CD226: variants seen among roughly 807,000 people sequenced by gnomAD.
CD226 encodes the protein CD226 molecule.
A neutral mutation model predicts 34.9 loss-of-function variants in CD226; 24 were observed. The ratio of observed to expected loss-of-function variants is 0.69; its 90% CI spans 0.50 to 0.97. The LOEUF is 0.97. Among genes scored for constraint, CD226 ranks in the 50% least tolerant of loss-of-function variants. The pLI is 0.00. For missense variants in CD226, 397 were observed against 412.7 expected (o/e 0.96, Z 0.33); for synonymous variants, 148 against 147.4 (o/e 1.00, Z -0.03).
upstream of CD226, among the ~76,000 whole-genome samples, chr18:69,949,582 C>A (rs1384981135): frequency 6.6e-6 from 1 of 150,914 alleles, no homozygotes; most frequent in Non-Finnish European, 1.5e-5. Flanking sequence ...TGTCCCTTCA[C>A]ACACACACAC....
chr18:69,933,232 G>A (rs2055610224), intron 2 of CD226, among the ~76,000 whole-genome samples: 1 of 152,192 alleles, frequency 6.6e-6, no homozygotes, highest in Admixed American at 6.5e-5. Context: ...TGGCCAACAT[G>A]AGACTTTCAC....
At chr18:69,959,097 C>T (rs2055917740), upstream of CD226, among the ~76,000 whole-genome samples, 1 of 152,020 alleles carries the variant, frequency 6.6e-6, no homozygotes, top group South Asian at 2.1e-4. Flanking sequence ...ACATTGTTCC[C>T]CCAACATGGT....
At chr18:69,871,417 T>C (rs1343833107) in intron 4 of CD226, among the ~76,000 whole-genome samples, 1 of 152,238 alleles carries the variant, frequency 6.6e-6, no homozygotes, top group African/African-American at 2.4e-5. Flanking sequence ...TTTGGACAGA[T>C]TAGTGCTAAA....
intron 2 of CD226, among the ~76,000 whole-genome samples, chr18:69,933,863 GA>G (rs1328316800): frequency 6.6e-6 from 1 of 152,168 alleles, no homozygotes; most frequent in African/African-American, 2.4e-5. Flanking sequence ...GTGAGTAGTT[GA>G]AAATATTTTC....
intron 3 of CD226, among the ~76,000 whole-genome samples, chr18:69,883,433 CG>C (rs1984379925): frequency 6.6e-6 from 1 of 152,022 alleles, no homozygotes; most frequent in Non-Finnish European, 1.5e-5. Flanking sequence ...TAATTTAAAG[CG>C]GGGATTAACC....
intron 3 of CD226, among the ~76,000 whole-genome samples, chr18:69,892,534 G>T (rs1014771292): frequency 1.3e-5 from 2 of 152,184 alleles, no homozygotes; most frequent in Non-Finnish European, 2.9e-5. Flanking sequence ...CAGGACATAA[G>T]TGCAAAGGAC....
At chr18:69,900,871 T>C (rs1442880955) in intron 2 of CD226, among the ~76,000 whole-genome samples, 6 of 152,296 alleles carry the variant, frequency 3.9e-5, no homozygotes, top group African/African-American at 9.6e-5. Context: ...GATTTACATC[T>C]ATAATAACCC....
At chr18:69,874,049 T>A (rs1983713511) in intron 3 of CD226, among the ~76,000 whole-genome samples, 1 of 152,140 alleles carries the variant, frequency 6.6e-6, no homozygotes, top group South Asian at 2.1e-4. Flanking sequence ...TTACTCCAAC[T>A]CAATGTCTGA....
chr18:69,906,001 T>C (rs1379574214), intron 2 of CD226, among the ~76,000 whole-genome samples: 1 of 152,250 alleles, frequency 6.6e-6, no homozygotes, highest in Non-Finnish European at 1.5e-5. Flanking sequence ...TTAGAGCATC[T>C]ACTCCAGGTT....
chr18:69,893,365 C>T (rs1985018210), intron 3 of CD226, among the ~76,000 whole-genome samples: 3 of 152,168 alleles, frequency 2.0e-5, no homozygotes, highest in South Asian at 2.1e-4. Flanking sequence ...ACTTAGTCAT[C>T]TTTGGACAGA....
rs774974985 is a variant in CD226, at chr18:69,857,975, T to C, written c.*6339A>G. 9 of 152,228 alleles carry C rather than the reference T, an allele frequency of 5.9e-5. No individual in the cohort carries two copies. The highest frequency in any genetic ancestry group is 1.2e-4 in the Non-Finnish European group (8 of 68,038). The allele number at this position is 152,228 out of a possible 1,614,324, so 9.4% of individuals were successfully genotyped here. ...GTTCTTGTAAAGGTATACCTGTGTC[T>C]AGACATAAGTTGCAGGTTTAAAAAT... On this transcript the variant is annotated 3_prime_UTR_variant, in exon 6 of 6. Transcript: ENST00000582621.
intron 2 of CD226, among the ~76,000 whole-genome samples, chr18:69,902,471 G>A (rs932903517): frequency 9.2e-5 from 14 of 151,630 alleles, no homozygotes; most frequent in Non-Finnish European, 1.0e-4. Flanking sequence ...TCTACCCCTT[G>A]GCTTCCGTGA....
chr18:69,938,637 T>A (rs1057092544), intron 2 of CD226, among the ~76,000 whole-genome samples: 4 of 152,258 alleles, frequency 2.6e-5, no homozygotes, highest in Non-Finnish European at 4.4e-5. Flanking sequence ...ACTAAAATCA[T>A]CATTTTTTAG....
chr18:69,893,998 G>A (rs762955485), intron 3 of CD226, among the ~76,000 whole-genome samples: 7 of 152,186 alleles, frequency 4.6e-5, no homozygotes, highest in Non-Finnish European at 7.4e-5. Context: ...CCTAGCAAGC[G>A]TTGGCTCTAC....
intron 1 of CD226, among the ~76,000 whole-genome samples, chr18:69,955,585 A>G (rs1356836781): frequency 6.6e-6 from 1 of 152,084 alleles, no homozygotes. Context: ...TTTCCACAGG[A>G]GGCCGGGTGC....
At position 69,896,924 on chromosome 18, in the gene CD226, C is replaced by A. The variant is rs186555588; in HGVS notation, c.383-879G>T. On this transcript the variant is annotated intron_variant, in intron 2 of 5. Coordinates refer to ENST00000582621, the MANE Select transcript of CD226 (RefSeq NM_001303618.2). ...CCATGAAAGTCCAGTATTCTCCCACCTTCCTCACACCATTTCTGGAATTCC... is the reference window on the plus strand; with the variant it reads ...CCATGAAAGTCCAGTATTCTCCCACATTCCTCACACCATTTCTGGAATTCC... 2.0e-5 allele frequency among the ~76,000 whole-genome samples: 3 copies of A among 152,288 alleles called. No individual in the cohort carries two copies. The East Asian group carries it at 5.8e-4, about 29-fold the overall frequency.
intron 2 of CD226, among the ~76,000 whole-genome samples, chr18:69,933,864 A>C (rs1019327876): frequency 1.3e-5 from 2 of 152,246 alleles, no homozygotes; most frequent in Non-Finnish European, 2.9e-5. Flanking sequence ...TGAGTAGTTG[A>C]AAATATTTTC....
intron 5 of CD226, among the ~76,000 whole-genome samples, chr18:69,864,998 T>G (rs1983050821): frequency 6.6e-6 from 1 of 152,150 alleles, no homozygotes; most frequent in African/African-American, 2.4e-5. Context: ...ACCTTAGTGT[T>G]GTTGGTTTTT....
chr18:69,941,244 C>T (rs751137861), intron 2 of CD226, among the ~76,000 whole-genome samples: 1 of 152,238 alleles, frequency 6.6e-6, no homozygotes, highest in Non-Finnish European at 1.5e-5. Context: ...GGTTGGAGCC[C>T]CCACACAGAA....
Sources: allele counts gnomAD v4.1 joint callset (sites outside exome capture counted in the v4.1 genomes callset), GRCh38; gene constraint gnomAD v4.1.1; transcripts MANE v1.5; gene names NCBI Gene and HGNC (gene_info 2026-07-23, HGNC 2026-07-21).